Variants in DYTN observed in about 807,000 individuals in gnomAD.
DYTN encodes dystrotelin.
A neutral mutation model predicts 69.6 loss-of-function variants in DYTN; 75 were observed. That is an observed-to-expected ratio of 1.08 (90% CI 0.89 to 1.31). The LOEUF (loss-of-function observed/expected upper bound fraction) is 1.31. Among genes scored for constraint, DYTN ranks in the 50% most tolerant of loss-of-function variants. DYTN has a pLI of 0.00. For missense variants in DYTN, 726 were observed against 688.4 expected, an observed-to-expected ratio of 1.05 and a Z score of -0.61; for synonymous variants, 252 against 249.1, an observed-to-expected ratio of 1.01 and a Z score of -0.11.
chr2:206,682,858 T>C (rs73983087), intron 9 of DYTN, among the ~76,000 whole-genome samples: 4,613 of 152,232 alleles, frequency 0.03, 209 homozygotes, highest in African/African-American at 0.11. Context: ...TTCTACTTAC[T>C]ATAGAACCAC....
At chr2:206,714,945 T>C (rs988850381) in intron 1 of DYTN, among the ~76,000 whole-genome samples, 2 of 141,746 alleles carry the variant, frequency 1.4e-5, no homozygotes, top group Non-Finnish European at 3.1e-5. Flanking sequence ...CCTAAATTTC[T>C]TTTTTTTTTT....
At chr2:206,705,497 G>A (rs1700016531) in intron 4 of DYTN, among the ~76,000 whole-genome samples, 1 of 152,216 alleles carries the variant, frequency 6.6e-6, no homozygotes, top group Non-Finnish European at 1.5e-5. Flanking sequence ...AGATCATGAG[G>A]TTGGTAAACA....
chr2:206,659,639 T>C (rs1436861949), intron 11 of DYTN, among the ~76,000 whole-genome samples: 2 of 152,132 alleles, frequency 1.3e-5, no homozygotes, highest in Non-Finnish European at 2.9e-5. Flanking sequence ...GTGGTTATCA[T>C]AGTTCTGGCT....
At chr2:206,695,173 G>C (rs534284051) in intron 7 of DYTN, among the ~76,000 whole-genome samples, 1 of 152,296 alleles carries the variant, frequency 6.6e-6, no homozygotes, top group South Asian at 2.1e-4. Flanking sequence ...TATATGCAGG[G>C]TGCTGTGTGC....
rs779969051 is a variant in DYTN, at chr2:206,663,288, C to A, written c.1248G>T (p.Gln416His). The change falls in exon 11 of 12, where the codon CAG (glutamine) becomes CAT (histidine). Residue 416 changes from glutamine to histidine, a missense_variant. By Grantham distance (24) the Gln-to-His change is conservative (BLOSUM62 0). Coordinates refer to ENST00000452335, the MANE Select transcript of DYTN (RefSeq NM_001093730.1). ...AAGCATCTTCAGTGGCATTCTTGAT[C>A]TGCAAATAATCCCCTCCCTTTGGAA... ...EKVPKGGDYL[Q>H]IKNATEDAST... is the part of the protein sequence containing the mutation. 6 of 1,614,030 alleles carry A rather than the reference C, an allele frequency of 3.7e-6. No homozygotes were observed. Among genetic ancestry groups the A allele is most frequent in the Admixed American group, 3.3e-5 (2 of 60,020 alleles).
chr2:206,657,492 C>A (rs1168762441), intron 11 of DYTN, among the ~76,000 whole-genome samples: 1 of 152,148 alleles, frequency 6.6e-6, no homozygotes, highest in Non-Finnish European at 1.5e-5. Flanking sequence ...ATTGTATATT[C>A]ATTAACATAT....
chr2:206,654,618 G>A (rs868797503), intron 11 of DYTN, among the ~76,000 whole-genome samples: 2 of 152,116 alleles, frequency 1.3e-5, no homozygotes, highest in South Asian at 4.1e-4. Flanking sequence ...AGCATGGAGG[G>A]TCAGTGCCCC....
chr2:206,697,523 GA>G (rs1167057646), intron 7 of DYTN, among the ~76,000 whole-genome samples: 3 of 152,098 alleles, frequency 2.0e-5, no homozygotes, highest in Non-Finnish European at 4.4e-5. Context: ...AGTTTTTTGA[GA>G]TCCCAAAACA....
At chr2:206,682,207 G>A (rs1464045561) in intron 9 of DYTN, among the ~76,000 whole-genome samples, 1 of 152,090 alleles carries the variant, frequency 6.6e-6, no homozygotes, top group Non-Finnish European at 1.5e-5. Context: ...TTGTATTTCT[G>A]TAGGGTCAAT....
intron 11 of DYTN, among the ~76,000 whole-genome samples, chr2:206,662,538 G>A (rs1023914120): frequency 2.6e-5 from 4 of 151,840 alleles, no homozygotes; most frequent in Admixed American, 1.3e-4. Flanking sequence ...TAGAAAGAGA[G>A]TTACAATATT....
In DYTN at chr2:206,651,921, C is replaced by T. The variant is rs1299328126; in HGVS notation, c.1634G>A (p.Gly545Asp). ...MDAFNLETPS[G>D]PESSVNMDLY... is the part of the protein sequence containing the mutation. ...GTCCATGTTTACTGAAGACTCCGGGCCTGAAATCAACAAACAAGAGAGTCA... is the reference window on the plus strand; with the variant it reads ...GTCCATGTTTACTGAAGACTCCGGGTCTGAAATCAACAAACAAGAGAGTCA... Residue 545 changes from glycine to aspartate, a missense_variant and splice_region_variant, in exon 12 of 12, where the codon GGC becomes GAC. Physicochemically the swap from Gly to Asp is moderately conservative, Grantham distance 94. Transcript: ENST00000452335. The T allele has an allele frequency of 1.3e-5, 21 of 1,610,556 alleles. No homozygotes were observed. The highest frequency in any genetic ancestry group is 1.7e-5 in the Non-Finnish European group (20 of 1,178,008).
chr2:206,693,688 T>C (rs1303862863), intron 8 of DYTN, among the ~76,000 whole-genome samples: 1 of 152,202 alleles, frequency 6.6e-6, no homozygotes, highest in African/African-American at 2.4e-5. Context: ...TCCAGCGAAA[T>C]ACTCACACAT....
intron 9 of DYTN, among the ~76,000 whole-genome samples, chr2:206,688,751 A>AT (rs1436538668): frequency 1.3e-5 from 2 of 152,098 alleles, no homozygotes; most frequent in East Asian, 1.9e-4. Context: ...GAAATTTGGC[A>AT]TTTTTTCCTT....
At chr2:206,716,706 T>G (rs1700133723) in intron 1 of DYTN, among the ~76,000 whole-genome samples, 1 of 151,990 alleles carries the variant, frequency 6.6e-6, no homozygotes, top group Non-Finnish European at 1.5e-5. Context: ...TTTACAATAG[T>G]GTAATGCCCA....
At chr2:206,699,929 C>A (rs111328460) in intron 6 of DYTN, 39 bp from the exon 7 acceptor site, 1 of 1,588,744 alleles carries the variant, frequency 6.3e-7, no homozygotes, top group Non-Finnish European at 8.6e-7. Context: ...TTTTTAGGCA[C>A]GACTTGATAT....
chr2:206,703,919 G>A (rs1280610217), intron 5 of DYTN, among the ~76,000 whole-genome samples: 1 of 152,188 alleles, frequency 6.6e-6, no homozygotes, highest in African/African-American at 2.4e-5. Flanking sequence ...TCCAGAGCCT[G>A]TTTAATCCTT....
chr2:206,677,745 C>T lies in DYTN; in HGVS notation c.981-11716G>A, dbSNP rs557006393. 9.2e-5 allele frequency among the ~76,000 whole-genome samples: 14 copies of T among 152,302 alleles called. 1 individual carries two copies. In the South Asian group the frequency reaches 2.9e-3, roughly 32 times the overall value. On this transcript the variant is annotated intron_variant, in intron 9 of 11. Transcript: ENST00000452335. ...GTGGCTCACACCTGTAATCCCAGCA[C>T]TTTGGGAGACTGAGGCGGGCAGATC... is the stretch of plus-strand genomic sequence containing the variant.
In DYTN at chr2:206,707,307, G is replaced by T; in HGVS notation, c.291C>A (p.Tyr97Ter). 1 of 1,611,462 alleles carries T rather than the reference G, an allele frequency of 6.2e-7. No individual in the cohort carries two copies. ...ELTLSLLTTM[Y>*]NSKGTGFLQL... Reference sequence around the variant, plus strand: ...CGCGACGTCCACACCCTCACCTGTTGTACATTGTCGTGAGAAGGCTCAGAG... The same window carrying T: ...CGCGACGTCCACACCCTCACCTGTTTTACATTGTCGTGAGAAGGCTCAGAG... The change falls in exon 3 of 12, where the codon TAC becomes TAA. Residue 97 changes from tyrosine (Y) to a stop codon, truncating the protein, a stop_gained. Coordinates refer to ENST00000452335, the MANE Select transcript of DYTN (RefSeq NM_001093730.1). LOFTEE classifies it high-confidence loss of function.
chr2:206,687,947 T>G (rs1343359142), intron 9 of DYTN, among the ~76,000 whole-genome samples: 3 of 152,234 alleles, frequency 2.0e-5, no homozygotes, highest in African/African-American at 7.2e-5. Flanking sequence ...CTCACTATTC[T>G]TCAGTCTCAT....
Sources: gnomAD v4.1 joint callset for allele counts (sites outside exome capture counted in the v4.1 genomes callset) on GRCh38, gnomAD v4.1.1 for gene constraint, MANE v1.5 for transcripts, NCBI Gene and HGNC (gene_info 2026-07-23, HGNC 2026-07-21) for gene names.